Variants in EPB41L2 observed in about 807,000 individuals in gnomAD.
EPB41L2 encodes band 4.1-like protein 2.
Under a neutral mutation model 113.0 loss-of-function variants are expected in EPB41L2, and 43 were observed. The ratio of observed to expected loss-of-function variants is 0.38; its 90% CI spans 0.30 to 0.49. EPB41L2 has a LOEUF of 0.49. Among genes scored for constraint, EPB41L2 ranks in the 20% least tolerant of loss-of-function variants. EPB41L2 has a pLI of 0.95. For synonymous variants in EPB41L2, 442 were observed against 436.7 expected (o/e 1.01, Z -0.15); for missense variants, 1,147 against 1,223.4 (o/e 0.94, Z 0.93).
intron 1 of EPB41L2, 125 bp from the exon 2 acceptor site, chr6:130,956,624 A>T: frequency 1.2e-6 from 1 of 862,112 alleles, no homozygotes. Flanking sequence ...AAAGCACATC[A>T]AGAAAGAAGA....
At chr6:130,871,295 C>T (rs1456879442) in intron 14 of EPB41L2, among the ~76,000 whole-genome samples, 3 of 152,082 alleles carry the variant, frequency 2.0e-5, no homozygotes, top group African/African-American at 7.2e-5. Flanking sequence ...ATAACTCAAG[C>T]ATGGCCAACT....
At chr6:130,890,068 C>CA (rs1189539533) in intron 11 of EPB41L2, among the ~76,000 whole-genome samples, 76 of 147,446 alleles carry the variant, frequency 5.2e-4, no homozygotes, top group African/African-American at 8.0e-4. Context: ...TGTTTTAAAA[C>CA]AAAAAAAAAG....
intron 3 of EPB41L2, among the ~76,000 whole-genome samples, chr6:130,937,254 G>GT (rs1809123488): frequency 6.6e-6 from 1 of 152,142 alleles, no homozygotes; most frequent in East Asian, 1.9e-4. Flanking sequence ...ATCATACAGA[G>GT]TAACTTCATT....
In EPB41L2 at chr6:130,955,832, G is replaced by C. The variant is rs564078375; in HGVS notation, c.492+162C>G. ...GACTTTTTTTTCAAGGAGTAACAGG[G>C]AAAGGCTATGGTAGACCAATCTAAG... On this transcript the variant is annotated intron_variant, in intron 2 of 19. Coordinates refer to ENST00000337057, the MANE Select transcript of EPB41L2 (RefSeq NM_001431.4). 2.6e-5 allele frequency among the ~76,000 whole-genome samples: 4 copies of C among 152,198 alleles called. No homozygotes were observed. In the South Asian group the frequency reaches 8.3e-4, roughly 32 times the overall value.
chr6:130,994,101 G>A (rs1185530284), intron 1 of EPB41L2, among the ~76,000 whole-genome samples: 1 of 131,418 alleles, frequency 7.6e-6, no homozygotes, highest in Non-Finnish European at 1.5e-5. Flanking sequence ...CTAGTAGATG[G>A]CAAACCAACC....
chr6:130,890,267 A>G, intron 11 of EPB41L2, 27 bp downstream of exon 11: 1 of 1,583,742 alleles, frequency 6.3e-7, no homozygotes, highest in Non-Finnish European at 8.6e-7. Flanking sequence ...GATGAATGAA[A>G]ATCAAAATTA....
chr6:130,907,193 T>C (rs1447993691), intron 5 of EPB41L2, among the ~76,000 whole-genome samples: 1 of 152,206 alleles, frequency 6.6e-6, no homozygotes, highest in African/African-American at 2.4e-5. Context: ...TTTGGGTCAC[T>C]TGGCAGGTCT....
chr6:131,059,776 T>C (rs6569720), intron 1 of EPB41L2, among the ~76,000 whole-genome samples: 122,659 of 152,220 alleles, frequency 0.81, 49,892 homozygotes, highest in African/African-American at 0.9. Flanking sequence ...GGTTTGGCTA[T>C]TATTTGCTGA....
intron 1 of EPB41L2, among the ~76,000 whole-genome samples, chr6:131,040,988 A>G (rs1446048592): frequency 6.6e-6 from 1 of 152,204 alleles, no homozygotes; most frequent in East Asian, 1.9e-4. Context: ...TGAAAAGGGA[A>G]TGAAAAAGGA....
chr6:130,942,223 A>G (rs1293537658), intron 3 of EPB41L2, among the ~76,000 whole-genome samples: 1 of 152,228 alleles, frequency 6.6e-6, no homozygotes, highest in East Asian at 1.9e-4. Flanking sequence ...GAATGCACCT[A>G]ATTCCAGCTT....
chr6:131,036,321 G>A (rs1013631584), intron 1 of EPB41L2, among the ~76,000 whole-genome samples: 1 of 152,068 alleles, frequency 6.6e-6, no homozygotes, highest in Admixed American at 6.6e-5. Context: ...AAAGGGAGGA[G>A]AAAACATGAA....
chr6:130,907,416 A>C (rs1002573015), intron 5 of EPB41L2, among the ~76,000 whole-genome samples: 5 of 151,892 alleles, frequency 3.3e-5, no homozygotes, highest in Non-Finnish European at 5.9e-5. Flanking sequence ...ATGAAACACC[A>C]AGAAAATAAA....
At chr6:131,050,926 T>C (rs1344432095) in intron 1 of EPB41L2, among the ~76,000 whole-genome samples, 1 of 152,182 alleles carries the variant, frequency 6.6e-6, no homozygotes, top group Non-Finnish European at 1.5e-5. Context: ...GTGACAACAA[T>C]ATGTCTGTCT....
intron 18 of EPB41L2, among the ~76,000 whole-genome samples, chr6:130,860,000 G>C (rs184015459): frequency 2.6e-5 from 4 of 152,322 alleles, no homozygotes; most frequent in Non-Finnish European, 5.9e-5. Context: ...CTGGTTCCAG[G>C]GAAGGGCAGA....
chr6:131,025,202 T>A (rs750211664), intron 1 of EPB41L2, among the ~76,000 whole-genome samples: 2 of 152,170 alleles, frequency 1.3e-5, no homozygotes, highest in African/African-American at 2.4e-5. Flanking sequence ...TAAGGCCTGT[T>A]TCCCCCCCGG....
chr6:131,041,989 T>C (rs1048920675), intron 1 of EPB41L2, among the ~76,000 whole-genome samples: 1 of 152,168 alleles, frequency 6.6e-6, no homozygotes, highest in African/African-American at 2.4e-5. Flanking sequence ...ACAGACCTAT[T>C]TTAAAAAGAG....
At chr6:130,864,383 T>G (rs1048412079) in intron 17 of EPB41L2, among the ~76,000 whole-genome samples, 2 of 152,164 alleles carry the variant, frequency 1.3e-5, no homozygotes, top group African/African-American at 4.8e-5. Flanking sequence ...AATGTTTGAT[T>G]TGATGACACC....
intron 1 of EPB41L2, among the ~76,000 whole-genome samples, chr6:131,018,718 T>C (rs1450953873): frequency 6.6e-6 from 1 of 152,200 alleles, no homozygotes; most frequent in Non-Finnish European, 1.5e-5. Flanking sequence ...ATTTTGTATA[T>C]GGTATGAAGT....
intron 1 of EPB41L2, among the ~76,000 whole-genome samples, chr6:131,042,960 T>A (rs1034460410): frequency 6.6e-6 from 1 of 152,152 alleles, no homozygotes; most frequent in East Asian, 1.9e-4. Flanking sequence ...CATCTGTTTT[T>A]ATGGGGAATT....
Sources: gnomAD v4.1 joint callset for allele counts (sites outside exome capture counted in the v4.1 genomes callset) on GRCh38, gnomAD v4.1.1 for gene constraint, MANE v1.5 for transcripts, NCBI Gene and HGNC (gene_info 2026-07-23, HGNC 2026-07-21) for gene names.